MACF1: variants seen among roughly 807,000 people sequenced by gnomAD.
MACF1 encodes the protein microtubule actin crosslinking factor 1.
MACF1 carries 193 observed loss-of-function variants against 854.8 expected under a neutral mutation model. The observed-to-expected ratio is 0.23, with a 90% CI of 0.20 to 0.25. The LOEUF (loss-of-function observed/expected upper bound fraction) is 0.25. Ranked by LOEUF, MACF1 falls within the 10% of genes least tolerant of loss-of-function variation. MACF1 has a pLI of 1.00. For synonymous variants in MACF1, 3,185 were observed against 3,226.7 expected (o/e 0.99, Z 0.44); for missense variants, 7,722 against 8,929.1 (o/e 0.86, Z 5.45).
rs930861216 is a variant in MACF1, at chr1:39,282,393, C to T, written c.695+19C>T. 1.3e-5 allele frequency: 21 copies of T among 1,604,026 alleles called. No homozygotes were observed. The highest frequency in any genetic ancestry group is 1.7e-5 in the Non-Finnish European group (20 of 1,173,222). ...GATACCGGTAAGAACAGTGGAATTT[C>T]TGTGCTCCTGCAGGGCTTTTTCTCA... On this transcript the variant is annotated intron_variant, in intron 7 of 100. Coordinates refer to ENST00000564288, the MANE Select transcript of MACF1 (RefSeq NM_001394062.1).
chr1:39,402,318 C>G (rs1481025188), intron 58 of MACF1, among the ~76,000 whole-genome samples: 1 of 152,000 alleles, frequency 6.6e-6, no homozygotes, highest in Non-Finnish European at 1.5e-5. Context: ...TCAGTTAGTC[C>G]CAGGGGGAGG....
intron 15 of MACF1, among the ~76,000 whole-genome samples, chr1:39,290,980 T>C (rs1357479451): frequency 7.0e-6 from 1 of 143,234 alleles, no homozygotes; most frequent in African/African-American, 2.6e-5. Context: ...CAGTCTCAAC[T>C]TTTTTTTTTG....
chr1:39,182,458 T>G (rs1644117184), intron 2 of MACF1, among the ~76,000 whole-genome samples: 1 of 151,996 alleles, frequency 6.6e-6, no homozygotes, highest in African/African-American at 2.4e-5. Flanking sequence ...AAATCATATA[T>G]CTAATAAGGG....
rs968240681 is a variant in MACF1, at chr1:39,428,272, G to A, written c.16788G>A (p.Gln5596=). The change falls in exon 63 of 101, where the codon CAG becomes CAA. Residue 5596 remains glutamine, a synonymous_variant. Transcript: ENST00000564288. ...KDFKQDVLHR[Q]HADHLALNEE... is the part of the protein sequence containing the mutation. ...TCAAACAGGATGTCCTGCACAGGCA[G>A]CATGCTGACCACCTGGTATTCATGT... is the stretch of plus-strand genomic sequence containing the variant. 1.2e-6 allele frequency: 2 copies of A among 1,610,286 alleles called. No individual in the cohort carries two copies. The highest frequency in any genetic ancestry group is 2.7e-5 in the African/African-American group (2 of 74,860).
At chr1:39,285,497 T>TC in intron 13 of MACF1, 107 bp downstream of exon 13, 14 of 1,488,320 alleles carry the variant, frequency 9.4e-6, no homozygotes, top group South Asian at 1.2e-5. Flanking sequence ...ATGTATTATT[T>TC]CCCTTTTTTT....
intron 58 of MACF1, among the ~76,000 whole-genome samples, chr1:39,391,815 T>C (rs144129438): frequency 3.6e-4 from 55 of 152,354 alleles, no homozygotes; most frequent in African/African-American, 1.3e-3. Context: ...CTTAGTTGCT[T>C]GTCATAGCCA....
chr1:39,347,591 A>G (rs1018947793), intron 41 of MACF1, among the ~76,000 whole-genome samples: 1 of 152,184 alleles, frequency 6.6e-6, no homozygotes, highest in Non-Finnish European at 1.5e-5. Context: ...AAGAACATCT[A>G]GATACCCTGA....
intron 58 of MACF1, among the ~76,000 whole-genome samples, chr1:39,404,592 C>T (rs930413082): frequency 3.9e-5 from 6 of 152,088 alleles, no homozygotes; most frequent in Admixed American, 6.6e-5. Flanking sequence ...CTGGGCTGAA[C>T]GATTTTCTCA....
At chr1:39,307,155 G>A (rs781292354) in intron 23 of MACF1, among the ~76,000 whole-genome samples, 9 of 152,044 alleles carry the variant, frequency 5.9e-5, no homozygotes, top group Non-Finnish European at 1.0e-4. Context: ...GATTACAGGT[G>A]TGAGCCACCA....
intron 92 of MACF1, among the ~76,000 whole-genome samples, chr1:39,461,409 T>C (rs984264050): frequency 3.9e-5 from 6 of 152,212 alleles, no homozygotes; most frequent in African/African-American, 7.2e-5. Context: ...TATTACCTTT[T>C]TTCGTTGCAT....
chr1:39,339,204 A>G (rs182976768), intron 38 of MACF1, among the ~76,000 whole-genome samples: 4 of 152,318 alleles, frequency 2.6e-5, no homozygotes, highest in Non-Finnish European at 5.9e-5. Flanking sequence ...GTATTGAGCT[A>G]TGAATGCATC....
chr1:39,342,192 C>T (rs1646948993), intron 40 of MACF1, among the ~76,000 whole-genome samples: 1 of 151,950 alleles, frequency 6.6e-6, no homozygotes, highest in African/African-American at 2.4e-5. Context: ...GGATAATGGC[C>T]TCCAGCTCCA....
At chr1:39,368,656 C>T (rs148044180) in intron 50 of MACF1, among the ~76,000 whole-genome samples, 1 of 152,120 alleles carries the variant, frequency 6.6e-6, no homozygotes, top group African/African-American at 2.4e-5. Flanking sequence ...CGCCCACCAC[C>T]ATGCTCAGCT....
intron 59 of MACF1, 82 bp downstream of exon 59, chr1:39,422,617 T>G: frequency 1.3e-6 from 2 of 1,541,104 alleles, no homozygotes. Flanking sequence ...TCCCGAAACC[T>G]GAATGGAAAT....
chr1:39,432,987 A>G (rs1643900216), intron 67 of MACF1, 61 bp from the exon 68 acceptor site: 6 of 1,072,588 alleles, frequency 5.6e-6, no homozygotes, highest in Non-Finnish European at 8.2e-6. Flanking sequence ...TTTTGTCTTA[A>G]CCTTTAGTAA....
chr1:39,216,433 A>T (rs1644578036), intron 1 of MACF1, among the ~76,000 whole-genome samples: 1 of 152,174 alleles, frequency 6.6e-6, no homozygotes, highest in Non-Finnish European at 1.5e-5. Context: ...TTATACTTTG[A>T]GTCTCTAACA....
intron 52 of MACF1, among the ~76,000 whole-genome samples, chr1:39,375,065 G>A (rs1244319027): frequency 2.0e-5 from 3 of 151,618 alleles, no homozygotes; most frequent in Non-Finnish European, 4.4e-5. Flanking sequence ...AGCTGAGATC[G>A]CACCACTGCA....
At chr1:39,480,232 A>C in intron 98 of MACF1, 1 of 524,006 alleles carries the variant, frequency 1.9e-6, no homozygotes, top group South Asian at 2.6e-5. Flanking sequence ...GACATTTATT[A>C]AAATATGCAC....
At chr1:39,443,642 T>G (rs1048258456) in intron 79 of MACF1, 68 bp downstream of exon 79, 22 of 1,451,748 alleles carry the variant, frequency 1.5e-5, no homozygotes, top group Non-Finnish European at 2.0e-5. Context: ...AAGTTCACAG[T>G]CATAATTAAT....
Sources: gnomAD v4.1 joint callset for allele counts (sites outside exome capture counted in the v4.1 genomes callset) on GRCh38, gnomAD v4.1.1 for gene constraint, MANE v1.5 for transcripts, NCBI Gene and HGNC (gene_info 2026-07-23, HGNC 2026-07-21) for gene names.